SUPT3H: variants seen among roughly 807,000 people sequenced by gnomAD.
The protein encoded by SUPT3H is transcription initiation protein SPT3 homolog.
SUPT3H carries 44 observed loss-of-function variants against 44.3 expected under a neutral mutation model. The ratio of observed to expected loss-of-function variants is 0.99; its 90% confidence interval spans 0.78 to 1.28. The LOEUF (loss-of-function observed/expected upper bound fraction) is 1.28, where lower values mean the gene tolerates loss of function less well. Ranked by LOEUF, SUPT3H falls within the 50% of genes most tolerant of loss-of-function variation. SUPT3H has a pLI of 0.00. For missense variants in SUPT3H, 380 were observed against 387.1 expected (o/e 0.98, Z 0.15); for synonymous variants, 124 against 125.6 (o/e 0.99, Z 0.09).
chr6:44,970,416 T>G (rs1242979159), intron 6 of SUPT3H, among the ~76,000 whole-genome samples: 1 of 152,176 alleles, frequency 6.6e-6, no homozygotes, highest in Non-Finnish European at 1.5e-5. Flanking sequence ...TTAGTACCAA[T>G]TTTTGCTAAT....
intron 2 of SUPT3H, among the ~76,000 whole-genome samples, chr6:45,216,942 A>T (rs1765152855): frequency 6.6e-6 from 1 of 152,146 alleles, no homozygotes; most frequent in South Asian, 2.1e-4. Flanking sequence ...AAAAAATTTG[A>T]TCTCACAGAA....
At position 44,923,579 on chromosome 6, in the gene SUPT3H, A is replaced by G. The variant is rs1289399734; in HGVS notation, c.912+9074T>C. Among the ~76,000 whole-genome samples, 3 of 152,114 alleles carry G rather than the reference A, an allele frequency of 2.0e-5. No individual in the cohort carries two copies. The East Asian group carries it at 5.8e-4, about 29-fold the overall frequency. ...ACCTCAGGATGTATGTCCTGTGCTG[A>G]ACTAAATTTCAGGTGTTTACTAATA... On this transcript the variant is annotated intron_variant, in intron 10 of 10. Transcript: ENST00000371459.
intron 6 of SUPT3H, among the ~76,000 whole-genome samples, chr6:44,974,297 GTAT>G (rs1009755849): frequency 9.0e-6 from 1 of 111,004 alleles, no homozygotes; most frequent in African/African-American, 3.9e-5. Context: ...ACACATATAT[GTAT>G]AATGTGTGTG....
rs1765846298 is a variant in SUPT3H at position 45,220,446 on chromosome 6, A to G, written c.102-114440T>C. ...TCAAGGGAAACTTTCCCAACAACCA[A>G]AAAATGACAGCTAAAATTATTCATA... On this transcript the variant is annotated intron_variant, in intron 2 of 10. Coordinates refer to ENST00000371459, the MANE Select transcript of SUPT3H (RefSeq NM_003599.4). 2.6e-5 allele frequency among the ~76,000 whole-genome samples: 4 copies of G among 152,132 alleles called. No individual in the cohort carries two copies. The South Asian group carries it at 8.3e-4, about 32-fold the overall frequency.
chr6:45,254,976 A>G (rs2153654667), intron 2 of SUPT3H, among the ~76,000 whole-genome samples: 1 of 152,322 alleles, frequency 6.6e-6, no homozygotes, highest in Admixed American at 6.5e-5. Context: ...GCAGCTATAT[A>G]GTTTATCAGA....
At chr6:44,809,130 A>C (rs182323647), downstream of SUPT3H, among the ~76,000 whole-genome samples, 150 of 152,374 alleles carry the variant, frequency 9.8e-4, 1 homozygote, top group Admixed American at 7.1e-3. Context: ...CAGATAGAGC[A>C]CTGAGAATCT....
intron 10 of SUPT3H, among the ~76,000 whole-genome samples, chr6:44,903,531 A>C (rs1765461925): frequency 1.3e-5 from 2 of 152,198 alleles, no homozygotes. Context: ...AAATTGAGGC[A>C]ATAATTAATA....
chr6:45,358,274 C>T (rs9472467), intron 2 of SUPT3H, among the ~76,000 whole-genome samples: 158 of 152,208 alleles, frequency 1.0e-3, no homozygotes, highest in African/African-American at 3.5e-3. Context: ...TAGCTGTTTG[C>T]TAAGTTTATG....
intron 10 of SUPT3H, among the ~76,000 whole-genome samples, chr6:44,883,596 C>T (rs1449845297): frequency 6.6e-6 from 1 of 151,966 alleles, no homozygotes; most frequent in Admixed American, 6.6e-5. Flanking sequence ...AAGAACAAAG[C>T]TAGAGGTATC....
intron 2 of SUPT3H, among the ~76,000 whole-genome samples, chr6:45,296,671 G>A (rs571410835): frequency 2.8e-4 from 42 of 147,944 alleles, no homozygotes; most frequent in Non-Finnish European, 3.9e-4. Context: ...CCCGGGACAC[G>A]GAGGTTGCAG....
chr6:44,908,259 C>T (rs1420590797), intron 10 of SUPT3H, among the ~76,000 whole-genome samples: 2 of 149,900 alleles, frequency 1.3e-5, no homozygotes, highest in Non-Finnish European at 3.0e-5. Flanking sequence ...TCACATCATT[C>T]TCCTGCCTCA....
chr6:45,077,414 T>C (rs1795138528), intron 3 of SUPT3H, among the ~76,000 whole-genome samples: 1 of 151,642 alleles, frequency 6.6e-6, no homozygotes, highest in African/African-American at 2.4e-5. Flanking sequence ...ATCGCTTAAG[T>C]CCAGGAGTTT....
intron 2 of SUPT3H, among the ~76,000 whole-genome samples, chr6:45,226,348 T>C (rs532649934): frequency 2.0e-4 from 30 of 152,196 alleles, no homozygotes; most frequent in Admixed American, 7.9e-4. Flanking sequence ...AGTGTGTGTG[T>C]GTGTATAACG....
rs916349656 is a variant in SUPT3H at position 45,017,728 on chromosome 6, A to G, written c.273+2818T>C. On this transcript the variant is annotated intron_variant, in intron 4 of 10. Coordinates refer to ENST00000371459, the MANE Select transcript of SUPT3H (RefSeq NM_003599.4). ...ATATCTCTGTTTTGGTACCAGTACC[A>G]TGCTGTTTTGGTTACTGTAGCCTTG... Among the ~76,000 whole-genome samples the G allele has an allele frequency of 1.4e-4, 20 of 146,352 alleles. 1 individual carries two copies. Among genetic ancestry groups the G allele is most frequent in the Admixed American group, 4.8e-4 (7 of 14,460 alleles).
chr6:45,227,080 AG>A (rs1257762676), intron 2 of SUPT3H, among the ~76,000 whole-genome samples: 1 of 151,122 alleles, frequency 6.6e-6, no homozygotes, highest in African/African-American at 2.4e-5. Flanking sequence ...CCTGAGCTCA[AG>A]GGATCATCCT....
At chr6:44,857,811 T>C (rs1236584145) in intron 10 of SUPT3H, among the ~76,000 whole-genome samples, 1 of 152,204 alleles carries the variant, frequency 6.6e-6, no homozygotes, top group Non-Finnish European at 1.5e-5. Flanking sequence ...ATCACATTGG[T>C]AAAAATCATA....
At chr6:45,094,330 C>A (rs1797518662) in intron 3 of SUPT3H, among the ~76,000 whole-genome samples, 1 of 151,942 alleles carries the variant, frequency 6.6e-6, no homozygotes. Flanking sequence ...AGAAAAGAAA[C>A]ACAAATTGAA....
intron 2 of SUPT3H, among the ~76,000 whole-genome samples, chr6:45,316,911 T>C (rs1263006616): frequency 6.6e-6 from 1 of 152,074 alleles, no homozygotes; most frequent in Non-Finnish European, 1.5e-5. Flanking sequence ...ATTCTAACTT[T>C]ATGTATTGAA....
chr6:44,812,383 T>C (rs1361736094), intron 11 of SUPT3H, among the ~76,000 whole-genome samples: 1 of 152,238 alleles, frequency 6.6e-6, no homozygotes, highest in East Asian at 1.9e-4. Context: ...GTGGCTCCTT[T>C]ACTCTGTCTT....
Sources: gnomAD v4.1 joint callset for allele counts (sites outside exome capture counted in the v4.1 genomes callset) on GRCh38, gnomAD v4.1.1 for gene constraint, MANE v1.5 for transcripts, NCBI Gene and HGNC (gene_info 2026-07-23, HGNC 2026-07-21) for gene names.